The following HEPHL1 variants were observed in gnomAD, a reference collection of about 807,000 sequenced individuals.
HEPHL1 encodes the protein ferroxidase HEPHL1.
Under a neutral mutation model 122.0 loss-of-function variants are expected in HEPHL1, and 123 were observed. The ratio of observed to expected loss-of-function variants is 1.01; its 90% CI spans 0.87 to 1.17. HEPHL1 has a LOEUF of 1.17. Ranked by LOEUF, HEPHL1 falls within the 50% of genes most tolerant of loss-of-function variation. The pLI is 0.00. For missense variants in HEPHL1, 1,452 were observed against 1,430.5 expected (o/e 1.01, Z -0.24); for synonymous variants, 527 against 508.9 (o/e 1.04, Z -0.48).
At chr11:94,046,502 A>G (rs2462754) in intron 2 of HEPHL1, among the ~76,000 whole-genome samples, 146,168 of 147,348 alleles carry the variant, frequency 0.99, 72,513 homozygotes, top group East Asian at 1. Flanking sequence ...CGCACCAGGA[A>G]CACACTAGCT....
chr11:94,107,789 G>T (rs993826161), intron 17 of HEPHL1, among the ~76,000 whole-genome samples: 2 of 152,264 alleles, frequency 1.3e-5, no homozygotes, highest in East Asian at 1.9e-4. Context: ...CTATTCTCCT[G>T]TTGAGGAACA....
intron 14 of HEPHL1, 134 bp downstream of exon 14, chr11:94,101,469 A>G: frequency 1.1e-6 from 1 of 878,700 alleles, no homozygotes; most frequent in South Asian, 2.0e-5. Context: ...CTCTGGTATG[A>G]GATCATCATT....
At chr11:94,100,187 A>C (rs74646070) in intron 13 of HEPHL1, among the ~76,000 whole-genome samples, 4,013 of 152,264 alleles carry the variant, frequency 0.026, 191 homozygotes, top group African/African-American at 0.092. Context: ...AATTGAGAGA[A>C]AATTGAAAAT....
At chr11:94,032,126 C>T (rs1014480299) in intron 1 of HEPHL1, among the ~76,000 whole-genome samples, 2 of 152,194 alleles carry the variant, frequency 1.3e-5, no homozygotes, top group African/African-American at 4.8e-5. Context: ...ACAGAAGTTC[C>T]ACAGGTTGCA....
intron 1 of HEPHL1, 28 bp downstream of exon 1, chr11:94,021,566 T>TC: frequency 6.4e-7 from 1 of 1,557,718 alleles, no homozygotes; most frequent in Non-Finnish European, 8.7e-7. Context: ...CCTCATTGAC[T>TC]CCCAGGTTTG....
At chr11:94,045,161 G>T (rs1419523160) in intron 1 of HEPHL1, among the ~76,000 whole-genome samples, 1 of 152,124 alleles carries the variant, frequency 6.6e-6, no homozygotes, top group Non-Finnish European at 1.5e-5. Context: ...GCCTGCCTTG[G>T]CCTCCCATTG....
At chr11:94,052,308 T>C (rs1195574126) in intron 2 of HEPHL1, among the ~76,000 whole-genome samples, 2 of 152,102 alleles carry the variant, frequency 1.3e-5, no homozygotes, top group Non-Finnish European at 2.9e-5. Context: ...CAGTGTTTTA[T>C]AGTTTTCATT....
chr11:94,086,011 C>CT lies in HEPHL1; in HGVS notation c.1904dup (p.Leu635PhefsTer5), dbSNP rs766065370. 1.4e-5 allele frequency: 23 copies of CT among 1,613,780 alleles called. 1 individual carries two copies. In the African/African-American group the frequency reaches 2.3e-4, roughly 16 times the overall value. On this transcript the variant is annotated frameshift_variant, in exon 11 of 20. Transcript: ENST00000315765. LOFTEE classifies it high-confidence loss of function. ...GCTACATGTATGGCAACCAGCCAGG[C>CT]TTAAACATGTGTAAAAGGGATAGAG...
At position 94,093,570 on chromosome 11, in the gene HEPHL1, G is replaced by A; in HGVS notation, c.2364G>A (p.Arg788=). 4 of 1,613,766 alleles carry A rather than the reference G, an allele frequency of 2.5e-6. No homozygotes were observed. The highest frequency in any genetic ancestry group is 1.3e-5 in the African/African-American group (1 of 74,984). ...CTCAGTACAAGAAGGTGGTTTACAG[G>A]GAATATACGGATGGAGAATTTGTGG... is the stretch of plus-strand genomic sequence containing the variant. ...IGSQYKKVVY[R]EYTDGEFVEI... Residue 788 remains arginine, a synonymous_variant, in exon 13 of 20, where the codon AGG becomes AGA. Transcript: ENST00000315765.
At chr11:94,085,321 T>C (rs1261109274) in intron 10 of HEPHL1, among the ~76,000 whole-genome samples, 1 of 152,186 alleles carries the variant, frequency 6.6e-6, no homozygotes, top group Non-Finnish European at 1.5e-5. Context: ...AACTAATCAT[T>C]ATTTATTAAT....
rs757198049 is a variant in HEPHL1 at position 94,045,717 on chromosome 11, G to C, written c.215G>C (p.Ser72Thr). The C allele has an allele frequency of 4.3e-6, 7 of 1,612,654 alleles. No individual in the cohort carries two copies. In the African/African-American group the frequency reaches 9.3e-5, roughly 22 times the overall value. Reference protein sequence around the residue: ...FLERGPNRIGSIYKKAVYRRF... With the variant: ...FLERGPNRIGTIYKKAVYRRF... The stretch of plus-strand genomic sequence containing the variant: ...GAAAGAGGGCCCAACAGGATAGGCA[G>C]TATTTACAAAAAGGCTGTTTACAGA... Residue 72 changes from serine to threonine, a missense_variant, in exon 2 of 20, where the codon AGT becomes ACT. By Grantham distance (58) the Ser-to-Thr change is moderately conservative. Transcript: ENST00000315765.
intron 13 of HEPHL1, among the ~76,000 whole-genome samples, chr11:94,097,281 A>T (rs550844543): frequency 6.6e-6 from 1 of 152,324 alleles, no homozygotes; most frequent in Non-Finnish European, 1.5e-5. Context: ...TGTACCCAGT[A>T]GTCATTCAGG....
rs761874589 is a variant in HEPHL1 at position 94,111,755 on chromosome 11, C to A, written c.3341C>A (p.Ala1114Glu). 6.2e-6 allele frequency: 10 copies of A among 1,603,024 alleles called. No homozygotes were observed. The South Asian group carries it at 1.0e-4, about 16-fold the overall frequency. ...AATCTGGGTCCAACAGGAGCCAAGGCAGCCTTGGTCATCCTTTTCATCATT... is the reference window on the plus strand; with the variant it reads ...AATCTGGGTCCAACAGGAGCCAAGGAAGCCTTGGTCATCCTTTTCATCATT... ...GKNLGPTGAKAALVILFIIGL... is the reference protein window; with the variant it reads ...GKNLGPTGAKEALVILFIIGL... The change falls in exon 20 of 20, where the codon GCA becomes GAA. Residue 1114 changes from alanine (A) to glutamate (E), a missense_variant. By Grantham distance (107) the Ala-to-Glu change is moderately radical (BLOSUM62 -1). Transcript: ENST00000315765.
At chr11:94,063,090 G>A (rs1384524876) in intron 2 of HEPHL1, among the ~76,000 whole-genome samples, 1 of 152,154 alleles carries the variant, frequency 6.6e-6, no homozygotes, top group South Asian at 2.1e-4. Flanking sequence ...CTACACAGGT[G>A]GTGAATCTGA....
chr11:94,077,205 G>A (rs1255394283), intron 9 of HEPHL1, among the ~76,000 whole-genome samples: 4 of 152,094 alleles, frequency 2.6e-5, no homozygotes, highest in Non-Finnish European at 5.9e-5. Flanking sequence ...ATCTGAGTCA[G>A]AAAATTAACG....
In HEPHL1 at chr11:94,112,879, C is replaced by T. The variant is rs1314930540; in HGVS notation, c.*985C>T. 6.6e-6 allele frequency: 1 copy of T among 152,044 alleles called. No individual in the cohort carries two copies. Among genetic ancestry groups the T allele is most frequent in the Non-Finnish European group, 1.5e-5 (1 of 68,020 alleles). The allele number at this position is 152,044 out of a possible 1,614,324, so 9.4% of individuals were successfully genotyped here. A position where few individuals can be genotyped will look rare whatever the true frequency, so the allele number is the denominator to read the frequency against. On this transcript the variant is annotated 3_prime_UTR_variant, in exon 20 of 20. Transcript: ENST00000315765. Reference sequence around the variant, plus strand: ...ATCTTCTATGAAATTATAACATTCTCATTGTATGAGAAACATCAGGAGGAA... The same window carrying T: ...ATCTTCTATGAAATTATAACATTCTTATTGTATGAGAAACATCAGGAGGAA...
Position 94,067,626 on chromosome 11 carries a change from C to T in HEPHL1, c.939C>T (p.Phe313=), listed in dbSNP as rs1414339475. The part of the protein sequence containing the change: ...IHSIYFYGNT[F]ISRGHRTDVV... ...CTATCTATTTCTATGGTAACACCTT[C>T]ATCAGCAGAGGGCATCGGACTGATG... Residue 313 remains phenylalanine (F), a synonymous_variant, in exon 5 of 20, where the codon TTC becomes TTT. Coordinates refer to ENST00000315765, the MANE Select transcript of HEPHL1 (RefSeq NM_001098672.2). 6.2e-7 allele frequency: 1 copy of T among 1,613,698 alleles called. No individual in the cohort carries two copies. The highest frequency in any genetic ancestry group is 8.5e-7 in the Non-Finnish European group (1 of 1,179,756).
At chr11:94,086,309 A>G (rs2134441910) in intron 11 of HEPHL1, 120 bp downstream of exon 11, 4 of 713,876 alleles carry the variant, frequency 5.6e-6, no homozygotes, top group East Asian at 5.4e-5. Flanking sequence ...AGAAATAGAT[A>G]TAGTCTTGAT....
chr11:94,064,550 T>C lies in HEPHL1; in HGVS notation c.808+40T>C, dbSNP rs768088205. Reference sequence around the variant, plus strand: ...TGTTCCCAAACGTATACCAGGCCTTTTATACTATAAGGTACTACAAGGGAT... The same window carrying C: ...TGTTCCCAAACGTATACCAGGCCTTCTATACTATAAGGTACTACAAGGGAT... On this transcript the variant is annotated intron_variant, in intron 4 of 19. Transcript: ENST00000315765. 2.9e-6 allele frequency: 4 copies of C among 1,401,316 alleles called. No homozygotes were observed. The East Asian group carries it at 6.9e-5, about 24-fold the overall frequency. The allele number at this position is 1,401,316 out of a possible 1,614,324, so 86.8% of individuals were successfully genotyped here. A position where few individuals can be genotyped will look rare whatever the true frequency, so the allele number is the denominator to read the frequency against.
Sources: allele counts gnomAD v4.1 joint callset (sites outside exome capture counted in the v4.1 genomes callset), GRCh38; gene constraint gnomAD v4.1.1; transcripts MANE v1.5; gene names NCBI Gene and HGNC (gene_info 2026-07-23, HGNC 2026-07-21).